The following SLC5A4 variants were observed in gnomAD, a reference collection of about 807,000 sequenced individuals.
SLC5A4 encodes the protein probable glucose sensor protein SLC5A4.
In SLC5A4, 55 loss-of-function variants were observed where a neutral mutation model predicts 70.3. The ratio of observed to expected loss-of-function variants is 0.78; its 90% CI spans 0.63 to 0.98. The LOEUF (loss-of-function observed/expected upper bound fraction) is 0.98. SLC5A4 is among the 50% of genes least tolerant of loss of function. The pLI is 0.00. For missense variants in SLC5A4, 735 were observed against 839.2 expected, an observed-to-expected ratio of 0.88 and a Z score of 1.53; for synonymous variants, 268 against 305.7, an observed-to-expected ratio of 0.88 and a Z score of 1.29.
chr22:32,333,209 A>G, the SLC5A4 span, among the ~76,000 whole-genome samples: 154 of 133,080 alleles, frequency 1.2e-3, no homozygotes, highest in African/African-American at 3.8e-3. Flanking sequence ...CCCCCCCCAG[A>G]AGACTCAGAC....
chr22:32,340,600 G>A, the SLC5A4 span, among the ~76,000 whole-genome samples: 1 of 152,210 alleles, frequency 6.6e-6, no homozygotes. Context: ...ACCTTGGTCA[G>A]AGAAGGCCCC....
At chr22:32,286,527 C>A in the SLC5A4 span, among the ~76,000 whole-genome samples, 3 of 152,300 alleles carry the variant, frequency 2.0e-5, no homozygotes, top group Non-Finnish European at 1.5e-5. Flanking sequence ...CGATAAACAA[C>A]CCTTTGTTTT....
At chr22:32,335,911 C>T in the SLC5A4 span, among the ~76,000 whole-genome samples, 6 of 152,212 alleles carry the variant, frequency 3.9e-5, no homozygotes, top group Non-Finnish European at 5.9e-5. Flanking sequence ...GGGCAAGCCT[C>T]GGTTTCCATC....
the SLC5A4 span, among the ~76,000 whole-genome samples, chr22:32,334,296 C>T: frequency 6.6e-6 from 1 of 152,168 alleles, no homozygotes; most frequent in East Asian, 1.9e-4. Context: ...GGTAACAATG[C>T]ACGACCCTGT....
At chr22:32,229,088 A>G in intron 11 of SLC5A4, 106 bp downstream of exon 11, 2 of 1,040,226 alleles carry the variant, frequency 1.9e-6, no homozygotes, top group Non-Finnish European at 1.4e-6. Flanking sequence ...CCCTCTACCC[A>G]GATGCTATGA....
At chr22:32,338,163 T>C in the SLC5A4 span, among the ~76,000 whole-genome samples, 4 of 152,230 alleles carry the variant, frequency 2.6e-5, no homozygotes, top group Admixed American at 6.5e-5. Flanking sequence ...CAGTTAAAAA[T>C]GTATTAAGTA....
At chr22:32,331,050 G>A in the SLC5A4 span, among the ~76,000 whole-genome samples, 46 of 146,888 alleles carry the variant, frequency 3.1e-4, no homozygotes, top group South Asian at 4.5e-4. Context: ...TGGTGTGTGT[G>A]TGTTGGAGGC....
chr22:32,267,208 G>A, the SLC5A4 span, among the ~76,000 whole-genome samples: 1 of 152,130 alleles, frequency 6.6e-6, no homozygotes, highest in Non-Finnish European at 1.5e-5. Flanking sequence ...TCTCCTTTGT[G>A]GCAATCTGCT....
the SLC5A4 span, among the ~76,000 whole-genome samples, chr22:32,274,649 T>A: frequency 6.6e-6 from 1 of 152,198 alleles, no homozygotes. Flanking sequence ...AGGAAGCCTA[T>A]GAGCCACCTG....
chr22:32,244,361 C>T (rs537983517), intron 5 of SLC5A4, among the ~76,000 whole-genome samples: 4 of 152,252 alleles, frequency 2.6e-5, no homozygotes, highest in Non-Finnish European at 4.4e-5. Flanking sequence ...CACAGAGGGG[C>T]GAGTATTACA....
At chr22:32,275,463 C>T in the SLC5A4 span, among the ~76,000 whole-genome samples, 1,371 of 152,174 alleles carry the variant, frequency 9.0e-3, 8 homozygotes, top group Non-Finnish European at 0.013. Flanking sequence ...TGAGAACATG[C>T]GGTGTTTGGT....
At chr22:32,238,274 A>G (rs1926182047) in intron 6 of SLC5A4, among the ~76,000 whole-genome samples, 2 of 152,110 alleles carry the variant, frequency 1.3e-5, no homozygotes, top group Non-Finnish European at 2.9e-5. Flanking sequence ...GCCATAGCAC[A>G]TGTATCCTGG....
At chr22:32,271,670 T>G in the SLC5A4 span, 1 of 588,980 alleles carries the variant, frequency 1.7e-6, no homozygotes, top group East Asian at 3.7e-5. Flanking sequence ...GGCGACAGAC[T>G]GAGGGGTGCT....
chr22:32,329,298 C>T, the SLC5A4 span, among the ~76,000 whole-genome samples: 1 of 152,174 alleles, frequency 6.6e-6, no homozygotes, highest in South Asian at 2.1e-4. Flanking sequence ...TACTCATCTG[C>T]TACATGGAGA....
At chr22:32,319,768 A>G in the SLC5A4 span, among the ~76,000 whole-genome samples, 4 of 152,114 alleles carry the variant, frequency 2.6e-5, no homozygotes, top group Non-Finnish European at 5.9e-5. Flanking sequence ...CTTTACCTCA[A>G]ATGCATTATC....
the SLC5A4 span, among the ~76,000 whole-genome samples, chr22:32,348,085 A>G: frequency 6.6e-6 from 1 of 152,212 alleles, no homozygotes; most frequent in South Asian, 2.1e-4. Context: ...GAATTAAGGA[A>G]GAGAGTCTGC....
intron 4 of SLC5A4, among the ~76,000 whole-genome samples, chr22:32,247,895 C>T (rs1034589501): frequency 6.6e-6 from 1 of 152,190 alleles, no homozygotes; most frequent in East Asian, 1.9e-4. Flanking sequence ...ATCTGGAATC[C>T]CTGGCTCCAT....
At chr22:32,252,226 T>C (rs1180580901) in intron 2 of SLC5A4, among the ~76,000 whole-genome samples, 1 of 137,172 alleles carries the variant, frequency 7.3e-6, no homozygotes, top group Admixed American at 7.3e-5. Context: ...CAAGACTCTG[T>C]CTCAAAAAAA....
chr22:32,229,069 A>G, intron 11 of SLC5A4, 125 bp downstream of exon 11: 2 of 838,306 alleles, frequency 2.4e-6, no homozygotes, highest in Non-Finnish European at 3.7e-6. Flanking sequence ...ATGTACTCCA[A>G]TGTCTCTTCC....
Sources: allele counts gnomAD v4.1 joint callset (sites outside exome capture counted in the v4.1 genomes callset), GRCh38; gene constraint gnomAD v4.1.1; transcripts MANE v1.5; gene names NCBI Gene and HGNC (gene_info 2026-07-23, HGNC 2026-07-21).